The following SGCZ variants were observed in gnomAD, a reference collection of about 807,000 sequenced individuals.
SGCZ encodes sarcoglycan zeta.
A neutral mutation model predicts 41.3 loss-of-function variants in SGCZ; 40 were observed. The observed-to-expected ratio is 0.97, with a 90% CI of 0.75 to 1.26. SGCZ has a LOEUF of 1.26. Ranked by LOEUF, SGCZ falls within the 50% of genes most tolerant of loss-of-function variation. The pLI, the probability that SGCZ is intolerant of heterozygous loss-of-function variation, is 0.00. For synonymous variants in SGCZ, 206 were observed against 137.5 expected, an observed-to-expected ratio of 1.50 and a Z score of -3.49; for missense variants, 552 against 369.8, an observed-to-expected ratio of 1.49 and a Z score of -4.04.
intron 2 of SGCZ, among the ~76,000 whole-genome samples, chr8:14,377,867 T>G (rs561782741): frequency 1.4e-4 from 21 of 151,842 alleles, no homozygotes; most frequent in East Asian, 5.8e-4. Flanking sequence ...ACTCATCATT[T>G]TTTATGGCTG....
chr8:14,324,190 A>T lies in SGCZ; in HGVS notation c.249T>A (p.Asn83Lys). Reference protein sequence around the residue: ...VMNFTVDGMGNLRVTKKGIRL... With the variant: ...VMNFTVDGMGKLRVTKKGIRL... The stretch of plus-strand genomic sequence containing the variant: ...GGATTCCCTTCTTGGTGACTCTCAG[A>T]TTTCCCATACCATCCTACAAGCAAT... The change falls in exon 3 of 8, where the codon AAT becomes AAA. Residue 83 changes from asparagine to lysine, a missense_variant. Asn to Lys is a moderately conservative substitution (Grantham distance 94). Coordinates refer to ENST00000382080, the MANE Select transcript of SGCZ (RefSeq NM_139167.4). The T allele has an allele frequency of 1.2e-6, 2 of 1,611,900 alleles. No homozygotes were observed. The highest frequency in any genetic ancestry group is 1.7e-6 in the Non-Finnish European group (2 of 1,178,458).
chr8:15,048,150 T>C (rs557040236), intron 1 of SGCZ, among the ~76,000 whole-genome samples: 28 of 152,058 alleles, frequency 1.8e-4, no homozygotes, highest in Admixed American at 3.3e-4. Context: ...ACTTCAGCCA[T>C]AAAAGAATGA....
At chr8:14,208,874 A>G (rs1479919642) in intron 4 of SGCZ, among the ~76,000 whole-genome samples, 1 of 152,154 alleles carries the variant, frequency 6.6e-6, no homozygotes, top group African/African-American at 2.4e-5. Flanking sequence ...CGAGGGTGGG[A>G]GAGTACTCAG....
intron 1 of SGCZ, among the ~76,000 whole-genome samples, chr8:15,088,085 G>T (rs1440374938): frequency 6.6e-6 from 1 of 152,016 alleles, no homozygotes; most frequent in Non-Finnish European, 1.5e-5. Context: ...ATAGAAAAAG[G>T]ATCTGAAAGC....
intron 3 of SGCZ, among the ~76,000 whole-genome samples, chr8:14,258,923 G>A (rs999968607): frequency 2.0e-5 from 3 of 152,134 alleles, no homozygotes; most frequent in African/African-American, 7.2e-5. Context: ...AAATTATGTA[G>A]CATACAGGCA....
At chr8:15,095,931 C>T (rs992300481) in intron 1 of SGCZ, among the ~76,000 whole-genome samples, 3 of 152,126 alleles carry the variant, frequency 2.0e-5, no homozygotes, top group African/African-American at 7.2e-5. Flanking sequence ...AAGCAGTTTA[C>T]TTTGTCACCT....
chr8:14,717,456 T>C (rs530682466), intron 1 of SGCZ, among the ~76,000 whole-genome samples: 1 of 152,102 alleles, frequency 6.6e-6, no homozygotes, highest in Non-Finnish European at 1.5e-5. Context: ...CCACAAAATC[T>C]TTTTGCATCA....
chr8:14,107,938 C>T (rs1179897597), intron 6 of SGCZ, among the ~76,000 whole-genome samples: 1 of 152,238 alleles, frequency 6.6e-6, no homozygotes, highest in African/African-American at 2.4e-5. Context: ...CCACCGTGCC[C>T]GGCCTCAGGA....
intron 2 of SGCZ, among the ~76,000 whole-genome samples, chr8:14,456,344 G>A (rs1353526916): frequency 6.6e-6 from 1 of 152,160 alleles, no homozygotes; most frequent in Non-Finnish European, 1.5e-5. Context: ...GGAGGCAGAG[G>A]TTGCAGAGAG....
At chr8:14,105,332 A>C in intron 6 of SGCZ, among the ~76,000 whole-genome samples, 1 of 152,172 alleles carries the variant, frequency 6.6e-6, no homozygotes, top group East Asian at 1.9e-4. Context: ...CTCTATTAAT[A>C]AACTTTTGAA....
intron 1 of SGCZ, among the ~76,000 whole-genome samples, chr8:14,999,362 G>A (rs781367463): frequency 6.6e-6 from 1 of 152,132 alleles, no homozygotes; most frequent in East Asian, 1.9e-4. Context: ...AAAGAGACCA[G>A]GATAGTTCCA....
chr8:14,699,789 C>G lies in SGCZ; in HGVS notation c.40-144863G>C, dbSNP rs183248961. ...CAACAAGCAAAAAACAAAATTACCACAAAAGACATGAACGGGCACTTCTTT... is the reference window on the plus strand; with the variant it reads ...CAACAAGCAAAAAACAAAATTACCAGAAAAGACATGAACGGGCACTTCTTT... On this transcript the variant is annotated intron_variant, in intron 1 of 7. Coordinates refer to ENST00000382080, the MANE Select transcript of SGCZ (RefSeq NM_139167.4). Among the ~76,000 whole-genome samples, 6 of 151,788 alleles carry G rather than the reference C, an allele frequency of 4.0e-5. No individual in the cohort carries two copies. The East Asian group carries it at 1.2e-3, about 29-fold the overall frequency.
At chr8:14,902,106 T>C (rs1798988682) in intron 1 of SGCZ, among the ~76,000 whole-genome samples, 1 of 152,092 alleles carries the variant, frequency 6.6e-6, no homozygotes, top group African/African-American at 2.4e-5. Context: ...ATTTGGTGAG[T>C]AAATGATTCA....
intron 7 of SGCZ, among the ~76,000 whole-genome samples, chr8:14,101,534 C>T (rs1399891432): frequency 6.6e-6 from 1 of 152,042 alleles, no homozygotes; most frequent in Non-Finnish European, 1.5e-5. Flanking sequence ...TTAAAGCAGA[C>T]AGCAGGAGAA....
At chr8:14,601,080 T>C (rs1805575781) in intron 1 of SGCZ, among the ~76,000 whole-genome samples, 1 of 150,678 alleles carries the variant, frequency 6.6e-6, no homozygotes, top group Non-Finnish European at 1.5e-5. Context: ...AAATATTCTA[T>C]ACATTATATA....
At chr8:14,156,723 C>T (rs1027782151) in intron 5 of SGCZ, among the ~76,000 whole-genome samples, 1 of 152,018 alleles carries the variant, frequency 6.6e-6, no homozygotes, top group Non-Finnish European at 1.5e-5. Flanking sequence ...TTCTAAAAAA[C>T]ATTTTTGCTA....
intron 1 of SGCZ, among the ~76,000 whole-genome samples, chr8:15,028,679 T>C (rs1803545797): frequency 6.6e-6 from 1 of 152,058 alleles, no homozygotes; most frequent in African/African-American, 2.4e-5. Flanking sequence ...AAATGCTAAG[T>C]ACATTGATCT....
intron 4 of SGCZ, among the ~76,000 whole-genome samples, chr8:14,218,073 A>G (rs1347588255): frequency 6.6e-6 from 1 of 152,198 alleles, no homozygotes; most frequent in African/African-American, 2.4e-5. Context: ...GGAACAAGAA[A>G]GGATATCTAC....
intron 5 of SGCZ, among the ~76,000 whole-genome samples, chr8:14,161,760 T>C (rs1804052184): frequency 6.6e-6 from 1 of 152,124 alleles, no homozygotes; most frequent in African/African-American, 2.4e-5. Flanking sequence ...TCGAGAACAT[T>C]ATAAAGAATA....
Sources: allele counts gnomAD v4.1 joint callset (sites outside exome capture counted in the v4.1 genomes callset), GRCh38; gene constraint gnomAD v4.1.1; transcripts MANE v1.5; gene names NCBI Gene and HGNC (gene_info 2026-07-23, HGNC 2026-07-21).